Variants in SUPT3H observed in about 807,000 individuals in gnomAD.
The protein encoded by SUPT3H is SPT3 homolog, SAGA and STAGA complex component, also known as transcription initiation protein SPT3 homolog.
A neutral mutation model predicts 44.3 loss-of-function variants in SUPT3H; 44 were observed. That is an observed-to-expected ratio of 0.99 (90% CI 0.78 to 1.28). SUPT3H has a LOEUF of 1.28. Among genes scored for constraint, SUPT3H ranks in the 50% most tolerant of loss-of-function variants. The pLI, the probability that SUPT3H is intolerant of heterozygous loss-of-function variation, is 0.00. For synonymous variants in SUPT3H, 124 were observed against 125.6 expected, an observed-to-expected ratio of 0.99 and a Z score of 0.09; for missense variants, 380 against 387.1, an observed-to-expected ratio of 0.98 and a Z score of 0.15.
At chr6:45,178,381 T>C (rs78717250) in intron 2 of SUPT3H, among the ~76,000 whole-genome samples, 1 of 152,090 alleles carries the variant, frequency 6.6e-6, no homozygotes, top group Non-Finnish European at 1.5e-5. Flanking sequence ...TAAATATATA[T>C]GCATCCAATA....
At chr6:45,313,394 T>G (rs1217593780) in intron 2 of SUPT3H, among the ~76,000 whole-genome samples, 2 of 151,998 alleles carry the variant, frequency 1.3e-5, no homozygotes, top group Non-Finnish European at 2.9e-5. Context: ...GATAGACCAT[T>G]TGCAAGATTA....
chr6:45,055,484 A>C (rs1790961609), intron 3 of SUPT3H, among the ~76,000 whole-genome samples: 1 of 152,170 alleles, frequency 6.6e-6, no homozygotes, highest in Non-Finnish European at 1.5e-5. Flanking sequence ...TGGCACATAG[A>C]CCCATGCAAT....
intron 2 of SUPT3H, among the ~76,000 whole-genome samples, chr6:45,313,361 T>A (rs1784243517): frequency 1.3e-5 from 2 of 152,082 alleles, no homozygotes; most frequent in Admixed American, 1.3e-4. Flanking sequence ...AAAAGATGGT[T>A]ATTTGAAAAG....
In SUPT3H at chr6:45,284,944, A is replaced by C. The variant is rs9395090; in HGVS notation, c.101+80257T>G. Among the ~76,000 whole-genome samples, 394 of 152,332 alleles carry C rather than the reference A, an allele frequency of 2.6e-3. 11 individuals carry two copies. In the East Asian group the frequency reaches 0.064, roughly 25 times the overall value. ...GATGGAAGGCTGGTTCAACATACAC[A>C]AATCAATAAATGTAATCCAGCATAT... On this transcript the variant is annotated intron_variant, in intron 2 of 10. Transcript: ENST00000371459.
chr6:44,907,891 A>G (rs1448327822), intron 10 of SUPT3H, among the ~76,000 whole-genome samples: 1 of 152,206 alleles, frequency 6.6e-6, no homozygotes, highest in East Asian at 1.9e-4. Flanking sequence ...AGTTAAAGAA[A>G]AAGAAAAACA....
chr6:45,050,152 T>C (rs892445907), intron 3 of SUPT3H, among the ~76,000 whole-genome samples: 1 of 152,144 alleles, frequency 6.6e-6, no homozygotes, highest in African/African-American at 2.4e-5. Context: ...AGTACTTCTA[T>C]AAAAGACAGT....
rs192383234 is a variant in SUPT3H at position 44,921,451 on chromosome 6, A to G, written c.912+11202T>C. On this transcript the variant is annotated intron_variant, in intron 10 of 10. Coordinates refer to ENST00000371459, the MANE Select transcript of SUPT3H (RefSeq NM_003599.4). ...CAAGCTGGTTGTGTGAACGATAGAC[A>G]TTGTTTGCCATCAAAAATTAAGGCA... Among the ~76,000 whole-genome samples, 442 of 152,312 alleles carry G rather than the reference A, an allele frequency of 2.9e-3. 3 individuals are homozygous for G. The highest frequency in any genetic ancestry group is 2.7e-3 in the Non-Finnish European group (186 of 68,022).
At chr6:45,098,460 C>A in intron 3 of SUPT3H, 1 of 212,188 alleles carries the variant, frequency 4.7e-6, no homozygotes. Context: ...CAGAGACATG[C>A]TACTCAGTCC....
chr6:45,128,053 GC>G (rs1802707845), intron 2 of SUPT3H, among the ~76,000 whole-genome samples: 3 of 152,062 alleles, frequency 2.0e-5, no homozygotes, highest in African/African-American at 7.2e-5. Flanking sequence ...TACCGATAAT[GC>G]TTGTTATTCT....
chr6:45,278,122 G>C (rs967352279), intron 2 of SUPT3H, among the ~76,000 whole-genome samples: 1 of 150,682 alleles, frequency 6.6e-6, no homozygotes, highest in Non-Finnish European at 1.5e-5. Context: ...GGGGCCTGTC[G>C]GCAGTGGGTG....
At chr6:44,943,264 A>C (rs951673296) in intron 9 of SUPT3H, among the ~76,000 whole-genome samples, 2 of 152,188 alleles carry the variant, frequency 1.3e-5, no homozygotes, top group Non-Finnish European at 2.9e-5. Flanking sequence ...GTGTCACAAT[A>C]GATTGGAGTT....
At chr6:45,360,671 G>A (rs766063550) in intron 2 of SUPT3H, among the ~76,000 whole-genome samples, 19 of 152,080 alleles carry the variant, frequency 1.2e-4, no homozygotes, top group South Asian at 2.1e-4. Context: ...ATGAATAAAT[G>A]GTCATTGCTA....
At chr6:45,195,625 C>T (rs1459199096) in intron 2 of SUPT3H, among the ~76,000 whole-genome samples, 1 of 152,000 alleles carries the variant, frequency 6.6e-6, no homozygotes, top group Admixed American at 6.6e-5. Flanking sequence ...GTGATATGAT[C>T]GATTTGTTTT....
chr6:45,369,472 C>T (rs1445737812), intron 1 of SUPT3H, among the ~76,000 whole-genome samples: 1 of 152,168 alleles, frequency 6.6e-6, no homozygotes, highest in East Asian at 1.9e-4. Flanking sequence ...GCCTCTGTCC[C>T]ACAGTGAATC....
chr6:44,999,513 C>T (rs1183758212), intron 6 of SUPT3H, among the ~76,000 whole-genome samples: 2 of 152,016 alleles, frequency 1.3e-5, no homozygotes, highest in African/African-American at 4.8e-5. Context: ...GGTGTGAGGG[C>T]AGATGGAGGC....
At chr6:44,892,571 A>C (rs536134381) in intron 10 of SUPT3H, among the ~76,000 whole-genome samples, 6 of 152,342 alleles carry the variant, frequency 3.9e-5, no homozygotes, top group African/African-American at 1.4e-4. Flanking sequence ...GGATATTTAG[A>C]TAATCTGCAT....
intron 2 of SUPT3H, among the ~76,000 whole-genome samples, chr6:45,107,001 G>A (rs553206098): frequency 6.6e-6 from 1 of 152,134 alleles, no homozygotes; most frequent in Non-Finnish European, 1.5e-5. Flanking sequence ...TTGAAAGTTG[G>A]TAAGAAAAAT....
chr6:45,185,319 G>A (rs1442084900), intron 2 of SUPT3H, among the ~76,000 whole-genome samples: 1 of 152,102 alleles, frequency 6.6e-6, no homozygotes, highest in Admixed American at 6.6e-5. Context: ...TGTACAAGTG[G>A]GGGCTAATTG....
intron 3 of SUPT3H, among the ~76,000 whole-genome samples, chr6:45,065,055 G>A (rs1471947630): frequency 6.6e-6 from 1 of 150,576 alleles, no homozygotes; most frequent in Non-Finnish European, 1.5e-5. Flanking sequence ...ACCACATACT[G>A]GGAAGTAAAG....
Sources: allele counts gnomAD v4.1 joint callset (sites outside exome capture counted in the v4.1 genomes callset), GRCh38; gene constraint gnomAD v4.1.1; transcripts MANE v1.5; gene names NCBI Gene and HGNC (gene_info 2026-07-23, HGNC 2026-07-21).